Variants in CTNNAL1 observed in about 807,000 individuals in gnomAD.
CTNNAL1 encodes alpha-catulin.
A neutral mutation model predicts 93.6 loss-of-function variants in CTNNAL1; 69 were observed. That is an observed-to-expected ratio of 0.74 (90% CI 0.61 to 0.90). CTNNAL1 has a LOEUF of 0.90. Among genes scored for constraint, CTNNAL1 ranks in the 40% least tolerant of loss-of-function variants. CTNNAL1 has a pLI of 0.00. For missense variants in CTNNAL1, 836 were observed against 862.0 expected, an observed-to-expected ratio of 0.97 and a Z score of 0.38; for synonymous variants, 286 against 305.4, an observed-to-expected ratio of 0.94 and a Z score of 0.66.
intron 17 of CTNNAL1, among the ~76,000 whole-genome samples, chr9:108,943,391 T>A (rs1437773203): frequency 1.3e-5 from 2 of 152,210 alleles, no homozygotes; most frequent in Non-Finnish European, 2.9e-5. Context: ...CAAACCCATA[T>A]TCTCTCAGAC....
intron 8 of CTNNAL1, among the ~76,000 whole-genome samples, chr9:108,974,954 G>A (rs1831220319): frequency 6.6e-6 from 1 of 152,094 alleles, no homozygotes; most frequent in Non-Finnish European, 1.5e-5. Context: ...TTTGAGGTCA[G>A]GAGTTTGAGA....
chr9:108,996,760 C>G (rs1468413856), intron 2 of CTNNAL1, among the ~76,000 whole-genome samples: 1 of 151,500 alleles, frequency 6.6e-6, no homozygotes, highest in Non-Finnish European at 1.5e-5. Context: ...CAAAATGAAA[C>G]AGTAATATGA....
intron 11 of CTNNAL1, among the ~76,000 whole-genome samples, chr9:108,959,364 CAAAAAAAAAAAA>C (rs36116094): frequency 7.2e-5 from 4 of 55,844 alleles, no homozygotes; most frequent in Non-Finnish European, 9.3e-5. Flanking sequence ...GACTCCATAT[CAAAAAAAAAAAA>C]AAAAAAAAAA....
chr9:108,943,835 A>G lies in CTNNAL1; in HGVS notation c.1942-19T>C. On this transcript the variant is annotated intron_variant, in intron 16 of 18. Coordinates refer to ENST00000325551, the MANE Select transcript of CTNNAL1 (RefSeq NM_003798.4). ...CTTTCAGCTGAAATGTAATTTAACA[A>G]GTTATAACAGCCCGCAACAAAACTC... 2 of 1,609,852 alleles carry G rather than the reference A, an allele frequency of 1.2e-6. No individual in the cohort carries two copies. Among genetic ancestry groups the G allele is most frequent in the Non-Finnish European group, 1.7e-6 (2 of 1,178,294 alleles).
chr9:108,991,723 G>A (rs1330244915), intron 3 of CTNNAL1, among the ~76,000 whole-genome samples: 4 of 152,106 alleles, frequency 2.6e-5, no homozygotes, highest in African/African-American at 4.8e-5. Context: ...TTTCTCCAGC[G>A]CTGCCAGATC....
chr9:108,972,864 G>GGGGGGGGGCCCCCCCCCCCCCCCC, intron 8 of CTNNAL1, 31 bp from the exon 9 acceptor site: 2 of 142,576 alleles, frequency 1.4e-5, no homozygotes, highest in Non-Finnish European at 2.0e-5. Flanking sequence ...GGGGGGGTGG[G>GGGGGGGGGCCCCCCCCCCCCCCCC]AGGGTGGAGA....
intron 2 of CTNNAL1, 106 bp downstream of exon 2, chr9:108,998,961 T>C: frequency 7.6e-7 from 1 of 1,312,488 alleles, no homozygotes; most frequent in Non-Finnish European, 1.0e-6. Context: ...GAGGCAGACA[T>C]AATCAAAGAG....
At chr9:108,946,384 A>G (rs575972738) in intron 15 of CTNNAL1, among the ~76,000 whole-genome samples, 2 of 151,586 alleles carry the variant, frequency 1.3e-5, no homozygotes, top group Non-Finnish European at 2.9e-5. Flanking sequence ...ACTCCCATCA[A>G]TAATTGCCTC....
chr9:108,965,568 CT>C, intron 10 of CTNNAL1, 40 bp from the exon 11 acceptor site: 1 of 1,276,930 alleles, frequency 7.8e-7, no homozygotes, highest in Non-Finnish European at 1.0e-6. Flanking sequence ...ATTTCAAAAT[CT>C]TAGCCCTCAG....
At chr9:108,986,910 T>C (rs1277963393) in intron 4 of CTNNAL1, among the ~76,000 whole-genome samples, 1 of 152,248 alleles carries the variant, frequency 6.6e-6, no homozygotes, top group African/African-American at 2.4e-5. Context: ...TTGAGTTCAT[T>C]GTAGATTCTG....
chr9:108,981,484 CA>C (rs59271794), intron 6 of CTNNAL1, among the ~76,000 whole-genome samples: 33,642 of 144,390 alleles, frequency 0.23, 4,481 homozygotes, highest in Admixed American at 0.31. Context: ...AGACAAAAAA[CA>C]AAAAAAAAAA....
chr9:108,961,520 T>C (rs1180938371), intron 11 of CTNNAL1, among the ~76,000 whole-genome samples: 1 of 152,206 alleles, frequency 6.6e-6, no homozygotes, highest in East Asian at 1.9e-4. Flanking sequence ...GACTGAAGGC[T>C]GAGGCGTTTC....
At chr9:109,012,162 TA>T (rs1302202659) in intron 1 of CTNNAL1, among the ~76,000 whole-genome samples, 2 of 152,220 alleles carry the variant, frequency 1.3e-5, no homozygotes, top group Non-Finnish European at 2.9e-5. Flanking sequence ...TTAACCAGCA[TA>T]ACAGGAATCC....
intron 8 of CTNNAL1, 31 bp from the exon 9 acceptor site, chr9:108,972,864 G>GGGGGGGGGGGCCCCCCCCCCCCCCCC: frequency 7.0e-6 from 1 of 142,576 alleles, no homozygotes; most frequent in Non-Finnish European, 1.0e-5. Flanking sequence ...GGGGGGGTGG[G>GGGGGGGGGGGCCCCCCCCCCCCCCCC]AGGGTGGAGA....
intron 5 of CTNNAL1, 139 bp from the exon 6 acceptor site, chr9:108,983,454 T>C: frequency 1.0e-6 from 1 of 975,000 alleles, no homozygotes; most frequent in South Asian, 4.5e-5. Flanking sequence ...CAGCTGCTTC[T>C]CCTCACTAAA....
In CTNNAL1 at chr9:109,013,396, A is replaced by T; in HGVS notation, c.47T>A (p.Val16Asp). The T allele has an allele frequency of 6.7e-7, 1 of 1,500,646 alleles. No individual in the cohort carries two copies. The highest frequency in any genetic ancestry group is 8.9e-7 in the Non-Finnish European group (1 of 1,124,494). 93.0% of individuals were successfully genotyped at this position (1,500,646 alleles called of 1,614,324 possible). Residue 16 changes from valine (V) to aspartate (D), a missense_variant, in exon 1 of 19, where the codon GTC becomes GAC. Physicochemically the swap from Val to Asp is radical, Grantham distance 152. Coordinates refer to ENST00000325551, the MANE Select transcript of CTNNAL1 (RefSeq NM_003798.4). ...GPAGVGGAGA[V>D]YGSGSSGFAL... ...GAAGCCCGAAGAGCCGGAGCCGTAG[A>T]CTGCTCCGGCGCCGCCAACGCCGGC...
At chr9:109,008,778 A>T (rs2132223944) in intron 1 of CTNNAL1, among the ~76,000 whole-genome samples, 1 of 131,344 alleles carries the variant, frequency 7.6e-6, no homozygotes, top group Admixed American at 7.8e-5. Context: ...GGAGTATTTT[A>T]TTTATTCTAG....
At chr9:109,007,119 C>T (rs1827051714) in intron 1 of CTNNAL1, among the ~76,000 whole-genome samples, 1 of 151,976 alleles carries the variant, frequency 6.6e-6, no homozygotes, top group Non-Finnish European at 1.5e-5. Context: ...CCTGTAATCC[C>T]AACTACTTGG....
At chr9:109,008,419 T>G (rs1274619351) in intron 1 of CTNNAL1, among the ~76,000 whole-genome samples, 1 of 152,110 alleles carries the variant, frequency 6.6e-6, no homozygotes, top group African/African-American at 2.4e-5. Context: ...AGTGCTGGGA[T>G]TACAGGCGTG....
Sources: gnomAD v4.1 joint callset for allele counts (sites outside exome capture counted in the v4.1 genomes callset) on GRCh38, gnomAD v4.1.1 for gene constraint, MANE v1.5 for transcripts, NCBI Gene and HGNC (gene_info 2026-07-23, HGNC 2026-07-21) for gene names.